Variants in TNPO1 observed in about 807,000 individuals in gnomAD.
TNPO1 encodes transportin 1, also known as transportin-1.
TNPO1 carries 8 observed loss-of-function variants against 119.5 expected under a neutral mutation model. The ratio of observed to expected loss-of-function variants is 0.07; its 90% CI spans 0.04 to 0.12. The LOEUF (loss-of-function observed/expected upper bound fraction) is 0.12, where lower values mean the gene tolerates loss of function less well. Among genes scored for constraint, TNPO1 ranks in the 10% least tolerant of loss-of-function variants. TNPO1 has a pLI of 1.00. For missense variants in TNPO1, 576 were observed against 1,089.8 expected, an observed-to-expected ratio of 0.53 and a Z score of 6.64; for synonymous variants, 362 against 363.0, an observed-to-expected ratio of 1.00 and a Z score of 0.03.
At chr5:72,906,952 A>C (rs575197975) in intron 24 of TNPO1, among the ~76,000 whole-genome samples, 7 of 152,206 alleles carry the variant, frequency 4.6e-5, no homozygotes, top group Admixed American at 4.6e-4. Flanking sequence ...ATGTACACCA[A>C]GTTGAATTAC....
In TNPO1 at chr5:72,910,673, T is replaced by G. The variant is rs2112527153; in HGVS notation, c.*2000T>G. 6.6e-6 allele frequency: 1 copy of G among 152,642 alleles called. No homozygotes were observed. The highest frequency in any genetic ancestry group is 6.5e-5 in the Admixed American group (1 of 15,288). The allele number at this position is 152,642 out of a possible 1,614,324, so 9.5% of individuals were successfully genotyped here. A position where few individuals can be genotyped will look rare whatever the true frequency, so the allele number is the denominator to read the frequency against. ...TGCTCCTCTTTGCATGGTTCTATTC[T>G]CTAAAAGTGTTGAATGATACAGCCA... is the stretch of plus-strand genomic sequence containing the variant. On this transcript the variant is annotated 3_prime_UTR_variant, in exon 25 of 25. Transcript: ENST00000337273.
At chr5:72,853,041 C>T (rs1745706296) in intron 3 of TNPO1, among the ~76,000 whole-genome samples, 1 of 152,142 alleles carries the variant, frequency 6.6e-6, no homozygotes, top group South Asian at 2.1e-4. Context: ...CTCTCATGTT[C>T]TTATCCTACA....
At chr5:72,832,399 C>T (rs773053543) in intron 1 of TNPO1, among the ~76,000 whole-genome samples, 1 of 152,044 alleles carries the variant, frequency 6.6e-6, no homozygotes, top group Non-Finnish European at 1.5e-5. Context: ...TGCTACTATT[C>T]GTTCTATATT....
chr5:72,850,545 G>T (rs758609894), intron 2 of TNPO1, among the ~76,000 whole-genome samples: 1 of 152,200 alleles, frequency 6.6e-6, no homozygotes, highest in South Asian at 2.1e-4. Context: ...CAATTGGGAA[G>T]CATGTTAGTT....
rs139651462 is a variant in TNPO1, at chr5:72,834,304, G to T, written c.16-14081G>T. ...TGTACTTCTACTTATTTTTTAAAAA[G>T]TCCACTGTAAAACCACCTCAGCCAG... On this transcript the variant is annotated intron_variant, in intron 1 of 24. Transcript: ENST00000337273. 2.3e-3 allele frequency among the ~76,000 whole-genome samples: 356 copies of T among 152,154 alleles called. 2 individuals carry two copies. The highest frequency in any genetic ancestry group is 8.0e-3 in the African/African-American group (331 of 41,488).
At chr5:72,834,520 TTAAAAAG>T (rs1744608003) in intron 1 of TNPO1, among the ~76,000 whole-genome samples, 1 of 152,178 alleles carries the variant, frequency 6.6e-6, no homozygotes, top group Non-Finnish European at 1.5e-5. Flanking sequence ...ACAAAAAAGT[TTAAAAAG>T]TAAAACAAAA....
At chr5:72,822,132 A>G (rs535596453) in intron 1 of TNPO1, among the ~76,000 whole-genome samples, 1 of 152,346 alleles carries the variant, frequency 6.6e-6, no homozygotes, top group Non-Finnish European at 1.5e-5. Context: ...AAACGAATCT[A>G]GAAGATTGAT....
chr5:72,888,737 C>T (rs1384167043), intron 13 of TNPO1, among the ~76,000 whole-genome samples: 1 of 152,196 alleles, frequency 6.6e-6, no homozygotes, highest in Non-Finnish European at 1.5e-5. Flanking sequence ...AGCAGATTGA[C>T]ATCCTTAGAC....
intron 1 of TNPO1, chr5:72,817,017 C>T (rs1002692516): frequency 1.7e-5 from 8 of 475,468 alleles, no homozygotes; most frequent in South Asian, 6.9e-5. Flanking sequence ...CGGCAGGAGC[C>T]CGTTACAAGG....
Position 72,831,911 on chromosome 5 carries a change from T to C in TNPO1, c.15+15159T>C, listed in dbSNP as rs116158149. On this transcript the variant is annotated intron_variant, in intron 1 of 24. Transcript: ENST00000337273. ...AAGTATTTTATCTTTTTTTCTCACTTTTTAAGCATAAATACTTTTCACGTC... is the reference window on the plus strand; with the variant it reads ...AAGTATTTTATCTTTTTTTCTCACTCTTTAAGCATAAATACTTTTCACGTC... Among the ~76,000 whole-genome samples, 943 of 152,216 alleles carry C rather than the reference T, an allele frequency of 6.2e-3. 7 individuals carry two copies. Among genetic ancestry groups the C allele is most frequent in the Non-Finnish European group, 9.4e-3 (637 of 67,934 alleles).
At chr5:72,831,937 A>T (rs1287946506) in intron 1 of TNPO1, among the ~76,000 whole-genome samples, 1 of 152,032 alleles carries the variant, frequency 6.6e-6, no homozygotes, top group East Asian at 1.9e-4. Flanking sequence ...TTTTCACGTC[A>T]TTACAGAAAT....
chr5:72,840,448 T>C (rs1041762960), intron 1 of TNPO1, among the ~76,000 whole-genome samples: 1 of 152,202 alleles, frequency 6.6e-6, no homozygotes, highest in African/African-American at 2.4e-5. Context: ...GTTGCTGTTA[T>C]TAGTAGGCAT....
In TNPO1 at chr5:72,888,271, C is replaced by T. The variant is rs17606; in HGVS notation, c.1497C>T (p.Asp499=). 0.84 allele frequency: 1,363,031 copies of T among 1,613,866 alleles called. 577,070 individuals carry two copies. The highest frequency in any genetic ancestry group is 0.86 in the Non-Finnish European group (1,013,447 of 1,179,882). ...LMTELLKRIL[D]SNKRVQEAAC... is the part of the protein sequence containing the mutation. ...CAGAATTGCTAAAGCGCATCCTGGA[C>T]AGCAACAAGAGAGTACAAGAAGCTG... Residue 499 remains aspartate, a synonymous_variant, in exon 13 of 25, where the codon GAC becomes GAT. Transcript: ENST00000337273.
At position 72,851,233 on chromosome 5, in the gene TNPO1, G is replaced by T; in HGVS notation, c.130-11G>T. 6.5e-7 allele frequency: 1 copy of T among 1,549,198 alleles called. No individual in the cohort carries two copies. Among genetic ancestry groups the T allele is most frequent in the East Asian group, 2.3e-5 (1 of 44,226 alleles). ...ACACAGAGAAGTTTCCTTAACTACT[G>T]TTTGTTCTAGAAACTGGAACAACTT... On this transcript the variant is annotated splice_polypyrimidine_tract_variant and intron_variant, in intron 2 of 24. Transcript: ENST00000337273.
intron 1 of TNPO1, among the ~76,000 whole-genome samples, chr5:72,837,682 G>C (rs1282136601): frequency 6.6e-6 from 1 of 152,218 alleles, no homozygotes; most frequent in African/African-American, 2.4e-5. Flanking sequence ...ACTGCCATCA[G>C]TAAACCTGGG....
Position 72,912,459 on chromosome 5 carries a change from T to TG in TNPO1, c.*3787dup, listed in dbSNP as rs1391090065. On this transcript the variant is annotated 3_prime_UTR_variant, in exon 25 of 25. Coordinates refer to ENST00000337273, the MANE Select transcript of TNPO1 (RefSeq NM_002270.4). Reference sequence around the variant, plus strand: ...ATTCAGATACAAGTTTTATCTCAGGTGAATACTCTTGTATTGTTTTTGCTT... The same window carrying TG: ...ATTCAGATACAAGTTTTATCTCAGGTGGAATACTCTTGTATTGTTTTTGCTT... 1.3e-5 allele frequency: 2 copies of TG among 152,554 alleles called. No individual in the cohort carries two copies. Among genetic ancestry groups the TG allele is most frequent in the Non-Finnish European group, 1.5e-5 (1 of 67,930 alleles). The allele number at this position is 152,554 out of a possible 1,614,324, so 9.5% of individuals were successfully genotyped here.
intron 11 of TNPO1, among the ~76,000 whole-genome samples, chr5:72,885,744 T>C (rs1014428313): frequency 1.1e-4 from 2 of 18,458 alleles, no homozygotes; most frequent in African/African-American, 2.2e-4. Flanking sequence ...TTTGGTTTGG[T>C]TTTTTTTTTT....
At chr5:72,883,003 C>A in intron 10 of TNPO1, 61 bp from the exon 11 acceptor site, 1 of 1,164,164 alleles carries the variant, frequency 8.6e-7, no homozygotes, top group Non-Finnish European at 1.3e-6. Flanking sequence ...TTCTCTTACT[C>A]ATGTACATAC....
intron 1 of TNPO1, among the ~76,000 whole-genome samples, chr5:72,846,889 A>C (rs1328086411): frequency 6.6e-6 from 1 of 152,234 alleles, no homozygotes; most frequent in Non-Finnish European, 1.5e-5. Context: ...AAATATTTTC[A>C]ATAAATATTT....
Sources: gnomAD v4.1 joint callset for allele counts (sites outside exome capture counted in the v4.1 genomes callset) on GRCh38, gnomAD v4.1.1 for gene constraint, MANE v1.5 for transcripts, NCBI Gene and HGNC (gene_info 2026-07-23, HGNC 2026-07-21) for gene names.